The following FAM117B variants were observed in gnomAD, a reference collection of about 807,000 sequenced individuals.
FAM117B encodes protein FAM117B.
Under a neutral mutation model 52.8 loss-of-function variants are expected in FAM117B, and 22 were observed. That is an observed-to-expected ratio of 0.42 (90% CI 0.30 to 0.59). FAM117B has a LOEUF of 0.59. Ranked by LOEUF, FAM117B falls within the 20% of genes least tolerant of loss-of-function variation. The probability of loss-of-function intolerance (pLI) is 0.22; values close to 1 mark genes in which losing one functional copy is unlikely to be tolerated. For synonymous variants in FAM117B, 309 were observed against 324.1 expected (o/e 0.95, Z 0.50); for missense variants, 678 against 802.6 (o/e 0.84, Z 1.88).
At chr2:202,675,727 G>A (rs1229223968) in intron 1 of FAM117B, among the ~76,000 whole-genome samples, 3 of 152,092 alleles carry the variant, frequency 2.0e-5, no homozygotes, top group Non-Finnish European at 4.4e-5. Flanking sequence ...GCTCACCCCT[G>A]TAATCCTAGA....
At chr2:202,744,711 G>A (rs531061230) in intron 4 of FAM117B, among the ~76,000 whole-genome samples, 2 of 151,910 alleles carry the variant, frequency 1.3e-5, no homozygotes, top group East Asian at 1.9e-4. Flanking sequence ...GGTGGCTCAC[G>A]CTTGTAAATC....
rs1689661732 is a variant in FAM117B, at chr2:202,635,350, A to G, written c.163A>G (p.Thr55Ala). ...QQQQQQHGSP[T>A]RSGGGGGGNN... ...GCAGCAGCAGCAACATGGCAGCCCC[A>G]CGCGGAGCGGCGGCGGCGGCGGCGG... is the stretch of plus-strand genomic sequence containing the variant. Residue 55 changes from threonine to alanine, a missense_variant, in exon 1 of 8, where the codon ACG becomes GCG. Transcript: ENST00000392238. 3 of 1,387,952 alleles carry G rather than the reference A, an allele frequency of 2.2e-6. No individual in the cohort carries two copies. The highest frequency in any genetic ancestry group is 2.8e-6 in the Non-Finnish European group (3 of 1,070,540). 86.0% of individuals were successfully genotyped at this position (1,387,952 alleles called of 1,614,324 possible).
intron 4 of FAM117B, among the ~76,000 whole-genome samples, chr2:202,728,110 G>C (rs1008846452): frequency 6.6e-6 from 1 of 152,104 alleles, no homozygotes; most frequent in Non-Finnish European, 1.5e-5. Context: ...CTGCTGAGTA[G>C]ATGAGACTAC....
intron 1 of FAM117B, among the ~76,000 whole-genome samples, chr2:202,647,418 C>CA (rs1689888615): frequency 6.6e-6 from 1 of 152,238 alleles, no homozygotes; most frequent in African/African-American, 2.4e-5. Flanking sequence ...TTTATTTCAA[C>CA]AAAACGTGTA....
intron 4 of FAM117B, among the ~76,000 whole-genome samples, chr2:202,730,155 T>C (rs1691316832): frequency 6.6e-6 from 1 of 152,128 alleles, no homozygotes; most frequent in South Asian, 2.1e-4. Flanking sequence ...AATCCTCATC[T>C]TTAAGGTGGG....
chr2:202,696,278 A>T (rs1161296042), intron 2 of FAM117B, among the ~76,000 whole-genome samples: 1 of 152,152 alleles, frequency 6.6e-6, no homozygotes, highest in Non-Finnish European at 1.5e-5. Flanking sequence ...TAATTTATGG[A>T]CATACTTTTT....
chr2:202,758,003 C>T (rs564473408), intron 6 of FAM117B, among the ~76,000 whole-genome samples: 1 of 152,306 alleles, frequency 6.6e-6, no homozygotes, highest in East Asian at 1.9e-4. Context: ...TACAAATATT[C>T]TTGCCTTTTA....
intron 1 of FAM117B, among the ~76,000 whole-genome samples, chr2:202,671,375 C>T (rs1690296769): frequency 6.6e-6 from 1 of 152,230 alleles, no homozygotes; most frequent in Non-Finnish European, 1.5e-5. Context: ...TGCTAGATTA[C>T]ATAGAGAATA....
intron 1 of FAM117B, among the ~76,000 whole-genome samples, chr2:202,672,257 G>A (rs1195588364): frequency 6.6e-6 from 1 of 152,216 alleles, no homozygotes; most frequent in Non-Finnish European, 1.5e-5. Flanking sequence ...CTGTCGCCCA[G>A]GCTGGAGTGC....
intron 7 of FAM117B, among the ~76,000 whole-genome samples, chr2:202,764,061 G>A (rs1475603616): frequency 6.6e-6 from 1 of 152,172 alleles, no homozygotes; most frequent in Non-Finnish European, 1.5e-5. Context: ...GGTAAAGCTT[G>A]TGGATCCCTT....
chr2:202,675,239 A>G (rs532527988), intron 1 of FAM117B, among the ~76,000 whole-genome samples: 1 of 151,428 alleles, frequency 6.6e-6, no homozygotes, highest in Non-Finnish European at 1.5e-5. Context: ...AAAAAAAAAA[A>G]CAACAACAAA....
chr2:202,674,190 T>C (rs1690343329), intron 1 of FAM117B, among the ~76,000 whole-genome samples: 1 of 152,218 alleles, frequency 6.6e-6, no homozygotes, highest in South Asian at 2.1e-4. Flanking sequence ...TCCATACTAA[T>C]GTATAAAATT....
intron 2 of FAM117B, among the ~76,000 whole-genome samples, chr2:202,696,885 T>C (rs1294201232): frequency 1.3e-5 from 2 of 152,106 alleles, no homozygotes; most frequent in Non-Finnish European, 2.9e-5. Flanking sequence ...CTGGGCAGCA[T>C]GGCGAAACCT....
chr2:202,699,180 A>G (rs984359784), intron 2 of FAM117B, among the ~76,000 whole-genome samples: 1 of 152,078 alleles, frequency 6.6e-6, no homozygotes, highest in Non-Finnish European at 1.5e-5. Flanking sequence ...TAATCCCAGC[A>G]CTTTGGGAGG....
At chr2:202,678,303 A>G (rs1346059511) in intron 1 of FAM117B, among the ~76,000 whole-genome samples, 2 of 152,172 alleles carry the variant, frequency 1.3e-5, no homozygotes, top group Admixed American at 6.5e-5. Flanking sequence ...TGTGTGCGGT[A>G]GAAAAGTGGC....
chr2:202,731,640 C>T (rs1293867231), intron 4 of FAM117B, among the ~76,000 whole-genome samples: 1 of 151,644 alleles, frequency 6.6e-6, no homozygotes, highest in Non-Finnish European at 1.5e-5. Context: ...CTGTGTTGGC[C>T]AGGCTGGTCT....
intron 4 of FAM117B, among the ~76,000 whole-genome samples, chr2:202,731,367 AT>A (rs1691345990): frequency 2.2e-5 from 3 of 136,918 alleles, no homozygotes; most frequent in African/African-American, 8.0e-5. Flanking sequence ...ATATATATAT[AT>A]GGAGAGAGAG....
chr2:202,723,764 G>T (rs1691188041), intron 2 of FAM117B, among the ~76,000 whole-genome samples: 1 of 152,120 alleles, frequency 6.6e-6, no homozygotes, highest in African/African-American at 2.4e-5. Flanking sequence ...ATGTGCATTT[G>T]GTATCTGTGC....
chr2:202,645,365 T>A (rs1349159525), intron 1 of FAM117B, among the ~76,000 whole-genome samples: 1 of 151,694 alleles, frequency 6.6e-6, no homozygotes, highest in Non-Finnish European at 1.5e-5. Flanking sequence ...CTCGGCTCAC[T>A]GCAGGCTCCG....
Sources: gnomAD v4.1 joint callset for allele counts (sites outside exome capture counted in the v4.1 genomes callset) on GRCh38, gnomAD v4.1.1 for gene constraint, MANE v1.5 for transcripts, NCBI Gene and HGNC (gene_info 2026-07-23, HGNC 2026-07-21) for gene names.